STAB2: variants seen among roughly 807,000 people sequenced by gnomAD.
STAB2 encodes stabilin 2.
A neutral mutation model predicts 338.1 loss-of-function variants in STAB2; 288 were observed. The ratio of observed to expected loss-of-function variants is 0.85; its 90% confidence interval spans 0.77 to 0.94. The LOEUF (loss-of-function observed/expected upper bound fraction) is 0.94, where lower values mean the gene tolerates loss of function less well. Ranked by LOEUF, STAB2 falls within the 40% of genes least tolerant of loss-of-function variation. The pLI is 0.00. For missense variants in STAB2, 3,141 were observed against 3,210.1 expected, an observed-to-expected ratio of 0.98 and a Z score of 0.52; for synonymous variants, 1,202 against 1,193.3, an observed-to-expected ratio of 1.01 and a Z score of -0.15.
At chr12:103,599,892 A>G (rs1378083766) in intron 3 of STAB2, among the ~76,000 whole-genome samples, 2 of 152,098 alleles carry the variant, frequency 1.3e-5, no homozygotes, top group Non-Finnish European at 2.9e-5. Flanking sequence ...GGGAGTGTTT[A>G]CTGACTTGAT....
Position 103,708,489 on chromosome 12 carries a change from G to T in STAB2, c.4241G>T (p.Gly1414Val), listed in dbSNP as rs1038127944. The T allele has an allele frequency of 6.2e-7, 1 of 1,614,000 alleles. No homozygotes were observed. The highest frequency in any genetic ancestry group is 1.3e-5 in the African/African-American group (1 of 74,932). ...GRCNQGPLGD[G>V]SCDCDVGWRG... Reference sequence around the variant, plus strand: ...TGCAACCAAGGACCCTTGGGAGATGGCTCCTGTGACTGTGATGTTGGCTGG... The same window carrying T: ...TGCAACCAAGGACCCTTGGGAGATGTCTCCTGTGACTGTGATGTTGGCTGG... Residue 1414 changes from glycine to valine, a missense_variant, in exon 39 of 69, where the codon GGC becomes GTC. Gly to Val is a moderately radical substitution (Grantham distance 109). Coordinates refer to ENST00000388887, the MANE Select transcript of STAB2 (RefSeq NM_017564.10).
intron 1 of STAB2, among the ~76,000 whole-genome samples, chr12:103,589,651 G>T (rs1441021687): frequency 6.6e-6 from 1 of 152,212 alleles, no homozygotes; most frequent in Non-Finnish European, 1.5e-5. Flanking sequence ...AGGAAGAGTA[G>T]AAGTTGAGAA....
At chr12:103,609,715 C>T (rs1316471295) in intron 3 of STAB2, among the ~76,000 whole-genome samples, 2 of 152,064 alleles carry the variant, frequency 1.3e-5, no homozygotes, top group Non-Finnish European at 2.9e-5. Flanking sequence ...CCAGAACTTC[C>T]AACACTATGT....
At chr12:103,726,282 A>G in intron 46 of STAB2, 119 bp downstream of exon 46, 5 of 952,340 alleles carry the variant, frequency 5.3e-6, no homozygotes, top group Non-Finnish European at 8.2e-6. Flanking sequence ...TGAGCTCAGG[A>G]GTTCGAGACC....
At chr12:103,660,453 A>C in intron 16 of STAB2, 69 bp downstream of exon 16, 1 of 1,562,662 alleles carries the variant, frequency 6.4e-7, no homozygotes, top group Admixed American at 1.7e-5. Flanking sequence ...CTTGAATTCC[A>C]ATATTTTGAC....
At chr12:103,596,952 CAAAAAAAAA>C (rs35439238) in intron 3 of STAB2, among the ~76,000 whole-genome samples, 2,168 of 64,580 alleles carry the variant, frequency 0.034, 37 homozygotes, top group Non-Finnish European at 0.044. Flanking sequence ...GACCCTATCT[CAAAAAAAAA>C]AAAAAAAAAA....
chr12:103,699,174 G>C lies in STAB2; in HGVS notation c.3661G>C (p.Glu1221Gln). The stretch of plus-strand genomic sequence containing the variant: ...TGACCTGCACAATGGCATGCATCGT[G>C]AGACCATGCTGGGTTTCTCCTATTT... Reference protein sequence around the residue: ...KNDLHNGMHRETMLGFSYFLS... With the variant: ...KNDLHNGMHRQTMLGFSYFLS... Residue 1221 changes from glutamate (E) to glutamine (Q), a missense_variant, in exon 34 of 69, where the codon GAG (glutamate) becomes CAG (glutamine). Transcript: ENST00000388887. The C allele has an allele frequency of 6.2e-7, 1 of 1,613,416 alleles. No individual in the cohort carries two copies. Among genetic ancestry groups the C allele is most frequent in the African/African-American group, 1.3e-5 (1 of 74,964 alleles).
chr12:103,715,548 A>G (rs1423408872), intron 42 of STAB2, among the ~76,000 whole-genome samples: 1 of 152,186 alleles, frequency 6.6e-6, no homozygotes, highest in Non-Finnish European at 1.5e-5. Context: ...TTTGCTACAA[A>G]TGCTCAAATT....
intron 24 of STAB2, among the ~76,000 whole-genome samples, chr12:103,676,811 G>A (rs1200321357): frequency 6.6e-6 from 1 of 152,176 alleles, no homozygotes; most frequent in Non-Finnish European, 1.5e-5. Context: ...AGCCAGAGTG[G>A]CTTGAAGTGA....
At chr12:103,714,805 G>C (rs1027591031) in intron 42 of STAB2, among the ~76,000 whole-genome samples, 1 of 151,938 alleles carries the variant, frequency 6.6e-6, no homozygotes, top group African/African-American at 2.4e-5. Context: ...CTAAATACTT[G>C]AGTGTATATT....
At chr12:103,648,559 G>A (rs1873499780) in intron 9 of STAB2, 131 bp from the exon 10 acceptor site, 3 of 1,194,256 alleles carry the variant, frequency 2.5e-6, no homozygotes, top group Admixed American at 5.2e-5. Flanking sequence ...TACCACACTA[G>A]GAATGCTCTC....
chr12:103,661,897 T>TG (rs2138773743), intron 17 of STAB2, among the ~76,000 whole-genome samples: 1 of 149,394 alleles, frequency 6.7e-6, no homozygotes, highest in Non-Finnish European at 1.5e-5. Flanking sequence ...AGGAGGAGAG[T>TG]GGGGGTCAGG....
intron 49 of STAB2, 103 bp downstream of exon 49, chr12:103,730,359 T>G (rs1881539096): frequency 1.5e-6 from 2 of 1,324,902 alleles, no homozygotes; most frequent in Non-Finnish European, 2.1e-6. Flanking sequence ...CTTTTTCTGC[T>G]TCAATCTCAA....
chr12:103,724,239 G>A (rs543356232), intron 44 of STAB2, among the ~76,000 whole-genome samples: 2 of 152,352 alleles, frequency 1.3e-5, no homozygotes, highest in South Asian at 4.1e-4. Flanking sequence ...TCACCAGTGT[G>A]GAGGTAGTGG....
intron 5 of STAB2, among the ~76,000 whole-genome samples, chr12:103,629,745 T>G (rs1396645883): frequency 6.6e-6 from 1 of 152,216 alleles, no homozygotes; most frequent in Admixed American, 6.5e-5. Flanking sequence ...TCCCATTGGT[T>G]GGTCATGTCA....
At chr12:103,637,301 A>G (rs1159552919) in intron 7 of STAB2, 65 bp downstream of exon 7, 25 of 1,560,468 alleles carry the variant, frequency 1.6e-5, no homozygotes, top group Non-Finnish European at 2.1e-5. Context: ...ACAGGAAAAA[A>G]AAATCTCACA....
At position 103,703,344 on chromosome 12, in the gene STAB2, G is replaced by A. The variant is rs374652636; in HGVS notation, c.3843+68G>A. 26 of 1,570,530 alleles carry A rather than the reference G, an allele frequency of 1.7e-5. No individual in the cohort carries two copies. In the East Asian group the frequency reaches 5.4e-4, roughly 32 times the overall value. Reference sequence around the variant, plus strand: ...TTGGCTTTTTTTTATATAATTTTGGGGGCATAAGGCTTTTCTATTAAGGTG... The same window carrying A: ...TTGGCTTTTTTTTATATAATTTTGGAGGCATAAGGCTTTTCTATTAAGGTG... On this transcript the variant is annotated intron_variant, in intron 35 of 68. Coordinates refer to ENST00000388887, the MANE Select transcript of STAB2 (RefSeq NM_017564.10).
intron 3 of STAB2, among the ~76,000 whole-genome samples, chr12:103,615,994 G>T (rs1423518078): frequency 2.6e-5 from 4 of 152,144 alleles, no homozygotes. Flanking sequence ...ACCTAATGAG[G>T]AGGGCCTTGG....
At chr12:103,646,880 G>T (rs1288077848) in intron 9 of STAB2, among the ~76,000 whole-genome samples, 2 of 152,170 alleles carry the variant, frequency 1.3e-5, no homozygotes, top group African/African-American at 4.8e-5. Context: ...TGTGATAGAG[G>T]TATCGATGGG....
Sources: gnomAD v4.1 joint callset for allele counts (sites outside exome capture counted in the v4.1 genomes callset) on GRCh38, gnomAD v4.1.1 for gene constraint, MANE v1.5 for transcripts, NCBI Gene and HGNC (gene_info 2026-07-23, HGNC 2026-07-21) for gene names.